Variants in CUX1 observed in about 807,000 individuals in gnomAD.
CUX1 encodes the protein cut like homeobox 1, also known as protein CASP.
CUX1 carries 31 observed loss-of-function variants against 158.8 expected under a neutral mutation model. The observed-to-expected ratio is 0.20, with a 90% CI of 0.15 to 0.26. The LOEUF is 0.26. Among genes scored for constraint, CUX1 ranks in the 10% least tolerant of loss-of-function variants. The pLI is 1.00. For missense variants in CUX1, 1,589 were observed against 2,014.6 expected (o/e 0.79, Z 4.04); for synonymous variants, 879 against 862.1 (o/e 1.02, Z -0.34).
rs143752036 is a variant in CUX1, at chr7:101,907,656, T to C, written c.31-8459T>C. Among the ~76,000 whole-genome samples, 29 of 152,208 alleles carry C rather than the reference T, an allele frequency of 1.9e-4. No homozygotes were observed. In the East Asian group the frequency reaches 5.2e-3, roughly 27 times the overall value. The stretch of plus-strand genomic sequence containing the variant: ...GAGTCACCCACTGGCCACAAACTTA[T>C]GAAATAAGCAAAAACATGAACTTTA... On this transcript the variant is annotated intron_variant, in intron 1 of 23. Coordinates refer to ENST00000292535, the MANE Select transcript of CUX1 (RefSeq NM_181552.4).
At chr7:101,928,672 G>A (rs1466585654) in intron 2 of CUX1, among the ~76,000 whole-genome samples, 9 of 117,574 alleles carry the variant, frequency 7.7e-5, no homozygotes, top group Middle Eastern at 7.2e-3. Context: ...CCTCACAAAT[G>A]GACTTTTTTT....
At chr7:102,082,020 A>C (rs1184773900) in intron 4 of CUX1, among the ~76,000 whole-genome samples, 4 of 146,398 alleles carry the variant, frequency 2.7e-5, no homozygotes, top group Non-Finnish European at 6.2e-5. Flanking sequence ...CCCAATAGCC[A>C]GGCTGTCAGT....
chr7:102,154,753 A>G (rs1372794591), intron 8 of CUX1, among the ~76,000 whole-genome samples: 1 of 152,366 alleles, frequency 6.6e-6, no homozygotes, highest in Non-Finnish European at 1.5e-5. Flanking sequence ...AGCTATGCCA[A>G]CAATATCCAA....
chr7:101,956,821 C>T (rs1809836989), intron 2 of CUX1, among the ~76,000 whole-genome samples: 1 of 152,098 alleles, frequency 6.6e-6, no homozygotes, highest in African/African-American at 2.4e-5. Context: ...TGGTGGTGTG[C>T]ACCAGTAGTC....
intron 20 of CUX1, among the ~76,000 whole-genome samples, chr7:102,225,516 A>G (rs1400596726): frequency 6.6e-6 from 1 of 152,146 alleles, no homozygotes; most frequent in Non-Finnish European, 1.5e-5. Flanking sequence ...GCTATCTACT[A>G]TGGTGCTGAT....
At chr7:102,067,725 A>G (rs1825702892) in intron 3 of CUX1, among the ~76,000 whole-genome samples, 1 of 151,930 alleles carries the variant, frequency 6.6e-6, no homozygotes, top group South Asian at 2.1e-4. Context: ...TTTAAAAACA[A>G]GGCATGGTCT....
intron 8 of CUX1, among the ~76,000 whole-genome samples, chr7:102,142,649 T>A (rs924644673): frequency 1.4e-5 from 2 of 142,474 alleles, no homozygotes; most frequent in Non-Finnish European, 3.0e-5. Context: ...TAGCCATGTG[T>A]AATGGTGCAC....
At chr7:102,128,038 G>A (rs1832832885) in intron 8 of CUX1, among the ~76,000 whole-genome samples, 1 of 152,108 alleles carries the variant, frequency 6.6e-6, no homozygotes, top group Non-Finnish European at 1.5e-5. Context: ...AGTAGAGACA[G>A]GGTTTCGCCA....
intron 1 of CUX1, among the ~76,000 whole-genome samples, chr7:101,825,470 G>T (rs1367967491): frequency 2.6e-5 from 4 of 152,176 alleles, no homozygotes; most frequent in Non-Finnish European, 5.9e-5. Context: ...GGCCCTTGGA[G>T]AGCTGTGCTG....
At chr7:102,015,597 C>G (rs1818496074) in intron 2 of CUX1, among the ~76,000 whole-genome samples, 2 of 152,160 alleles carry the variant, frequency 1.3e-5, no homozygotes, top group African/African-American at 4.8e-5. Context: ...AGAAACATCT[C>G]CCATTTCATA....
intron 20 of CUX1, among the ~76,000 whole-genome samples, chr7:102,222,809 A>ATTTTTTTTTTTTTTTTTT (rs1554527459): frequency 4.3e-5 from 1 of 23,278 alleles, no homozygotes; most frequent in African/African-American, 1.6e-4. Flanking sequence ...GGGGCACCGT[A>ATTTTTTTTTTTTTTTTTT]TCTTTTTTTT....
At chr7:102,117,892 C>T (rs986702893) in intron 8 of CUX1, among the ~76,000 whole-genome samples, 27 of 152,176 alleles carry the variant, frequency 1.8e-4, no homozygotes, top group Non-Finnish European at 2.9e-5. Flanking sequence ...CAGAAACGGT[C>T]TGGACACTGA....
At chr7:101,830,994 G>T (rs1014294160) in intron 1 of CUX1, among the ~76,000 whole-genome samples, 2 of 151,994 alleles carry the variant, frequency 1.3e-5, no homozygotes, top group Admixed American at 1.3e-4. Context: ...CTGATGACTC[G>T]AATGGATCCT....
chr7:102,117,547 C>G (rs1554492209), intron 8 of CUX1, among the ~76,000 whole-genome samples: 1 of 152,032 alleles, frequency 6.6e-6, no homozygotes, highest in Admixed American at 6.6e-5. Context: ...AGGGCCCCCT[C>G]GAGGGGAGCC....
chr7:102,208,187 C>CA (rs375175806), intron 20 of CUX1, among the ~76,000 whole-genome samples: 318 of 146,990 alleles, frequency 2.2e-3, no homozygotes, highest in Admixed American at 8.9e-3. Context: ...GACCCTGTCT[C>CA]AAAAAAAAAC....
At chr7:102,173,401 G>A (rs561467575) in intron 10 of CUX1, among the ~76,000 whole-genome samples, 1 of 152,304 alleles carries the variant, frequency 6.6e-6, no homozygotes, top group African/African-American at 2.4e-5. Context: ...GTTCCTGGAT[G>A]TAGAGAAAAG....
chr7:102,158,795 T>C (rs931404556), intron 9 of CUX1, among the ~76,000 whole-genome samples, 187 bp downstream of exon 9: 1 of 152,334 alleles, frequency 6.6e-6, no homozygotes, highest in South Asian at 2.1e-4. Context: ...CTAGGAACCA[T>C]TTCCTTGGCA....
chr7:101,831,118 C>G (rs1476542840), intron 1 of CUX1, among the ~76,000 whole-genome samples: 3 of 152,062 alleles, frequency 2.0e-5, no homozygotes, highest in African/African-American at 7.2e-5. Context: ...TTGGGTGTGT[C>G]TGCTGTGTGA....
intron 4 of CUX1, among the ~76,000 whole-genome samples, chr7:102,084,585 G>A (rs1827770110): frequency 6.9e-6 from 1 of 144,712 alleles, no homozygotes; most frequent in Admixed American, 7.1e-5. Flanking sequence ...ACCACGCCTG[G>A]CTAATTTTTT....
Sources: allele counts gnomAD v4.1 joint callset (sites outside exome capture counted in the v4.1 genomes callset), GRCh38; gene constraint gnomAD v4.1.1; transcripts MANE v1.5; gene names NCBI Gene and HGNC (gene_info 2026-07-23, HGNC 2026-07-21).